Variants in NBAS observed in about 807,000 individuals in gnomAD.
NBAS encodes NBAS subunit of NRZ tethering complex, also known as NAG/BC035112 fusion.
Under a neutral mutation model 302.5 loss-of-function variants are expected in NBAS, and 219 were observed. The ratio of observed to expected loss-of-function variants is 0.72; its 90% CI spans 0.65 to 0.81. The LOEUF (loss-of-function observed/expected upper bound fraction) is 0.81. NBAS is among the 30% of genes least tolerant of loss of function. The pLI is 0.00. For missense variants in NBAS, 2,932 were observed against 2,841.6 expected (o/e 1.03, Z -0.72); for synonymous variants, 1,118 against 1,021.6 (o/e 1.09, Z -1.80).
chr2:15,199,862 C>T (rs1665794261), intron 48 of NBAS, among the ~76,000 whole-genome samples: 1 of 149,334 alleles, frequency 6.7e-6, no homozygotes, highest in Admixed American at 6.7e-5. Flanking sequence ...TTATCAACCA[C>T]ATAATGTACC....
chr2:14,977,908 C>T, the NBAS span, among the ~76,000 whole-genome samples: 1 of 152,080 alleles, frequency 6.6e-6, no homozygotes, highest in East Asian at 1.9e-4. Flanking sequence ...AAAAAGAAAA[C>T]CATCAAGTTG....
the NBAS span, among the ~76,000 whole-genome samples, chr2:15,018,300 T>C: frequency 6.6e-5 from 10 of 152,184 alleles, no homozygotes; most frequent in South Asian, 1.7e-3. Context: ...ATATTCAGTG[T>C]TCACAGCACA....
At chr2:15,558,700 T>C (rs1185220385) in intron 1 of NBAS, 66 bp from the exon 2 acceptor site, 5 of 1,193,678 alleles carry the variant, frequency 4.2e-6, no homozygotes, top group Admixed American at 3.7e-5. Flanking sequence ...GTATTACTTA[T>C]ACAATATGTA....
chr2:15,026,149 G>A, the NBAS span, among the ~76,000 whole-genome samples: 1 of 150,622 alleles, frequency 6.6e-6, no homozygotes, highest in African/African-American at 2.4e-5. Context: ...ATGAAGGGAT[G>A]TTGAATTTTA....
At chr2:14,874,363 A>C in the NBAS span, among the ~76,000 whole-genome samples, 1 of 152,032 alleles carries the variant, frequency 6.6e-6, no homozygotes, top group Non-Finnish European at 1.5e-5. Context: ...ACGGTGGCTC[A>C]CGCCTGTAAT....
At chr2:15,127,880 G>A in the NBAS span, among the ~76,000 whole-genome samples, 1 of 152,076 alleles carries the variant, frequency 6.6e-6, no homozygotes, top group African/African-American at 2.4e-5. Context: ...CCCCAACCCA[G>A]ATGGGCACAT....
the NBAS span, among the ~76,000 whole-genome samples, chr2:14,849,190 A>C: frequency 6.2e-5 from 9 of 146,306 alleles, no homozygotes; most frequent in African/African-American, 1.5e-4. Context: ...AAAATTTAGA[A>C]GAATGTATAA....
At chr2:15,428,716 G>A (rs1263873185) in intron 21 of NBAS, among the ~76,000 whole-genome samples, 1 of 152,116 alleles carries the variant, frequency 6.6e-6, no homozygotes, top group Admixed American at 6.5e-5. Context: ...AAATCTACAG[G>A]AGGCAAAGAT....
intron 51 of NBAS, among the ~76,000 whole-genome samples, chr2:15,174,299 C>T (rs1664432520): frequency 6.6e-6 from 1 of 152,158 alleles, no homozygotes; most frequent in Non-Finnish European, 1.5e-5. Context: ...GTAAATAATG[C>T]TAGAAGGTTC....
chr2:14,990,409 G>A, the NBAS span, among the ~76,000 whole-genome samples: 1 of 151,248 alleles, frequency 6.6e-6, no homozygotes, highest in Non-Finnish European at 1.5e-5. Flanking sequence ...GGGCAACAGA[G>A]TGAGACTCCA....
chr2:14,781,095 A>C, the NBAS span, among the ~76,000 whole-genome samples: 3 of 152,236 alleles, frequency 2.0e-5, no homozygotes, highest in Non-Finnish European at 2.9e-5. Flanking sequence ...TGCAATAAAC[A>C]AAATGAAAAA....
At chr2:15,209,836 C>T (rs994458615) in intron 48 of NBAS, among the ~76,000 whole-genome samples, 2 of 152,016 alleles carry the variant, frequency 1.3e-5, no homozygotes, top group Admixed American at 6.6e-5. Flanking sequence ...TACAGTAAAC[C>T]CATTTTTGAC....
At chr2:14,830,712 A>C in the NBAS span, among the ~76,000 whole-genome samples, 3 of 152,134 alleles carry the variant, frequency 2.0e-5, no homozygotes, top group African/African-American at 4.8e-5. Flanking sequence ...GCTTTGCATG[A>C]ATGAAAAACA....
the NBAS span, among the ~76,000 whole-genome samples, chr2:14,941,677 T>C: frequency 6.6e-6 from 1 of 152,218 alleles, no homozygotes; most frequent in South Asian, 2.1e-4. Flanking sequence ...AATTAGGAGA[T>C]TGTTAAACCC....
At chr2:14,895,670 G>A in the NBAS span, among the ~76,000 whole-genome samples, 1 of 151,610 alleles carries the variant, frequency 6.6e-6, no homozygotes, top group African/African-American at 2.4e-5. Context: ...AACCCGGGAG[G>A]TGGAGCTTGC....
At chr2:15,437,015 T>C (rs1001026855) in intron 21 of NBAS, among the ~76,000 whole-genome samples, 3 of 152,204 alleles carry the variant, frequency 2.0e-5, no homozygotes, top group African/African-American at 7.2e-5. Flanking sequence ...AATGCTTTCC[T>C]GTGGCAAAAG....
At chr2:14,966,168 G>A in the NBAS span, among the ~76,000 whole-genome samples, 1,614 of 152,282 alleles carry the variant, frequency 0.011, 20 homozygotes, top group South Asian at 0.018. Context: ...CATGAACCTG[G>A]AAATCTTGTC....
rs541936330 is a variant in NBAS, at chr2:15,242,821, A to G, written c.5725-4135T>C. Among the ~76,000 whole-genome samples, 12 of 152,282 alleles carry G rather than the reference A, an allele frequency of 7.9e-5. No homozygotes were observed. In the East Asian group the frequency reaches 2.1e-3, roughly 27 times the overall value. On this transcript the variant is annotated intron_variant, in intron 44 of 51. Transcript: ENST00000281513. ...CAATTAGTAGTTGCTATGAAAAATA[A>G]TAATGGATTTTTTGAAATAAAGATA...
At chr2:15,286,270 A>G (rs1454145621) in intron 42 of NBAS, among the ~76,000 whole-genome samples, 1 of 152,210 alleles carries the variant, frequency 6.6e-6, no homozygotes. Flanking sequence ...ACTGGTCTAC[A>G]TATGTCCACC....
Sources: gnomAD v4.1 joint callset for allele counts (sites outside exome capture counted in the v4.1 genomes callset) on GRCh38, gnomAD v4.1.1 for gene constraint, MANE v1.5 for transcripts, NCBI Gene and HGNC (gene_info 2026-07-23, HGNC 2026-07-21) for gene names.